Variants in NTNG1 observed in about 807,000 individuals in gnomAD.
The protein encoded by NTNG1 is netrin G1.
In NTNG1, 16 loss-of-function variants were observed where a neutral mutation model predicts 54.0. The ratio of observed to expected loss-of-function variants is 0.30; its 90% CI spans 0.20 to 0.45. NTNG1 has a LOEUF of 0.45. Ranked by LOEUF, NTNG1 falls within the 20% of genes least tolerant of loss-of-function variation. The pLI, the probability that NTNG1 is intolerant of heterozygous loss-of-function variation, is 1.00. For missense variants in NTNG1, 530 were observed against 678.7 expected (o/e 0.78, Z 2.43); for synonymous variants, 255 against 263.1 (o/e 0.97, Z 0.30).
chr1:107,396,312 T>C (rs1455025619), intron 4 of NTNG1, among the ~76,000 whole-genome samples: 5 of 152,004 alleles, frequency 3.3e-5, no homozygotes, highest in African/African-American at 1.2e-4. Context: ...ACCTAAGAAC[T>C]AGTATCATAG....
chr1:107,247,499 T>C (rs1662282054), intron 2 of NTNG1, among the ~76,000 whole-genome samples: 1 of 152,184 alleles, frequency 6.6e-6, no homozygotes, highest in South Asian at 2.1e-4. Context: ...AATAACGTCT[T>C]TCAGTGTGTG....
At chr1:107,172,302 G>C (rs1656307358) in intron 2 of NTNG1, among the ~76,000 whole-genome samples, 1 of 152,064 alleles carries the variant, frequency 6.6e-6, no homozygotes, top group South Asian at 2.1e-4. Flanking sequence ...GAATTCTTGG[G>C]GACCTTAGCA....
At chr1:107,160,993 G>A (rs1022468805) in intron 2 of NTNG1, among the ~76,000 whole-genome samples, 9 of 152,088 alleles carry the variant, frequency 5.9e-5, no homozygotes, top group Admixed American at 5.2e-4. Context: ...AGATGACAAT[G>A]GTTTTACTCC....
intron 7 of NTNG1, among the ~76,000 whole-genome samples, chr1:107,456,615 T>A (rs1676973201): frequency 6.6e-6 from 1 of 152,220 alleles, no homozygotes; most frequent in Admixed American, 6.5e-5. Context: ...TTGATGTGGC[T>A]GCAGATACCA....
At chr1:107,319,548 C>T (rs1277467041) in intron 2 of NTNG1, among the ~76,000 whole-genome samples, 1 of 152,108 alleles carries the variant, frequency 6.6e-6, no homozygotes, top group Non-Finnish European at 1.5e-5. Context: ...TTCCAGAATG[C>T]TGCTTCTTGC....
intron 2 of NTNG1, among the ~76,000 whole-genome samples, chr1:107,277,500 T>A (rs115087946): frequency 6.6e-6 from 1 of 152,332 alleles, no homozygotes; most frequent in African/African-American, 2.4e-5. Flanking sequence ...TTATTTAGAA[T>A]CCTAGGTAAG....
At chr1:107,222,263 C>A (rs1660394623) in intron 2 of NTNG1, among the ~76,000 whole-genome samples, 1 of 152,090 alleles carries the variant, frequency 6.6e-6, no homozygotes, top group Non-Finnish European at 1.5e-5. Context: ...CTACTGCAGA[C>A]TGAAAGTTCT....
At chr1:107,451,108 CTT>C (rs55906603) in intron 7 of NTNG1, among the ~76,000 whole-genome samples, 124 of 138,344 alleles carry the variant, frequency 9.0e-4, no homozygotes, top group East Asian at 2.3e-3. Context: ...TTCTTTCTTT[CTT>C]TTTTTTTTTT....
chr1:107,215,831 G>GT (rs372421602), intron 2 of NTNG1, among the ~76,000 whole-genome samples: 8,762 of 147,554 alleles, frequency 0.059, 289 homozygotes, highest in African/African-American at 0.091. Context: ...GGTTTTGTAG[G>GT]TTTTTTTTTT....
chr1:107,379,465 A>G (rs1250820022), intron 3 of NTNG1, among the ~76,000 whole-genome samples: 3 of 152,142 alleles, frequency 2.0e-5, no homozygotes, highest in East Asian at 3.8e-4. Context: ...AATTCATGAG[A>G]GATAAAAACA....
At chr1:107,421,080 C>T (rs751786905) in intron 5 of NTNG1, 2 of 1,602,910 alleles carry the variant, frequency 1.2e-6, no homozygotes, top group African/African-American at 1.3e-5. Flanking sequence ...TTAAACCTAT[C>T]CAGTTGCTCC....
chr1:107,376,481 G>A (rs1300614877), intron 3 of NTNG1, among the ~76,000 whole-genome samples: 3 of 152,090 alleles, frequency 2.0e-5, no homozygotes, highest in East Asian at 3.9e-4. Context: ...GAGAAGCAGA[G>A]GCATTAAGAA....
chr1:107,340,985 T>C (rs2101925287), intron 3 of NTNG1, among the ~76,000 whole-genome samples: 1 of 152,140 alleles, frequency 6.6e-6, no homozygotes, highest in Admixed American at 6.6e-5. Flanking sequence ...GTAGCTACAA[T>C]GAATATTGTG....
At chr1:107,176,259 C>T (rs1308338338) in intron 2 of NTNG1, among the ~76,000 whole-genome samples, 1 of 152,056 alleles carries the variant, frequency 6.6e-6, no homozygotes, top group Non-Finnish European at 1.5e-5. Context: ...CTTTCAACTG[C>T]AATCAGCAAC....
intron 5 of NTNG1, chr1:107,408,372 C>T (rs1323628242): frequency 6.5e-6 from 1 of 154,086 alleles, no homozygotes; most frequent in Non-Finnish European, 1.4e-5. Flanking sequence ...AAAATATGTG[C>T]AGAATTTGGG....
At chr1:107,426,635 T>C (rs1468789542) in intron 5 of NTNG1, among the ~76,000 whole-genome samples, 1 of 152,074 alleles carries the variant, frequency 6.6e-6, no homozygotes, top group Non-Finnish European at 1.5e-5. Context: ...TGCTTAGAAA[T>C]GCTTTGGCTT....
At position 107,431,601 on chromosome 1, in the gene NTNG1, G is replaced by A. The variant is rs76506767; in HGVS notation, c.1255+684G>A. On this transcript the variant is annotated intron_variant, in intron 6 of 7. Transcript: ENST00000370068. ...CCTTCCCTCCCCACCAATGACTACTGCTCTTGGCACCTAGGGAGGACCAGG... is the reference window on the plus strand; with the variant it reads ...CCTTCCCTCCCCACCAATGACTACTACTCTTGGCACCTAGGGAGGACCAGG... Among the ~76,000 whole-genome samples the A allele has an allele frequency of 7.2e-5, 11 of 152,158 alleles. No homozygotes were observed. The East Asian group carries it at 1.7e-3, about 24-fold the overall frequency.
rs1322960445 is a variant in NTNG1, at chr1:107,148,855, T to C, written c.246+16T>C. On this transcript the variant is annotated intron_variant, in intron 2 of 7. Coordinates refer to ENST00000370068, the MANE Select transcript of NTNG1 (RefSeq NM_001113226.3). Reference sequence around the variant, plus strand: ...CTGTGCAATGGTGAGGTAACCCTTTTGCATAAAATATTTCATATAAATAGG... The same window carrying C: ...CTGTGCAATGGTGAGGTAACCCTTTCGCATAAAATATTTCATATAAATAGG... The C allele has an allele frequency of 6.2e-7, 1 of 1,609,114 alleles. No individual in the cohort carries two copies. Among genetic ancestry groups the C allele is most frequent in the South Asian group, 1.1e-5 (1 of 90,908 alleles).
In NTNG1 at chr1:107,389,979, A is replaced by C. The variant is rs568570822; in HGVS notation, c.888-5175A>C. Among the ~76,000 whole-genome samples the C allele has an allele frequency of 2.6e-5, 4 of 152,318 alleles. 1 individual carries two copies. Among genetic ancestry groups the C allele is most frequent in the African/African-American group, 9.6e-5 (4 of 41,570 alleles). On this transcript the variant is annotated intron_variant, in intron 3 of 7. Transcript: ENST00000370068. ...TCTACACATCGTGAGGCCGGAGGTC[A>C]CAGCACCAGGAATTGACAGCAATCT...
Sources: allele counts gnomAD v4.1 joint callset (sites outside exome capture counted in the v4.1 genomes callset), GRCh38; gene constraint gnomAD v4.1.1; transcripts MANE v1.5; gene names NCBI Gene and HGNC (gene_info 2026-07-23, HGNC 2026-07-21).